AGBL1: variants seen among roughly 807,000 people sequenced by gnomAD.
AGBL1 encodes AGBL carboxypeptidase 1, also known as cytosolic carboxypeptidase 4.
AGBL1 carries 130 observed loss-of-function variants against 118.9 expected under a neutral mutation model. The ratio of observed to expected loss-of-function variants is 1.09; its 90% confidence interval spans 0.95 to 1.26. The LOEUF (loss-of-function observed/expected upper bound fraction) is 1.26. Ranked by LOEUF, AGBL1 falls within the 50% of genes most tolerant of loss-of-function variation. The pLI, the probability that AGBL1 is intolerant of heterozygous loss-of-function variation, is 0.00. For missense variants in AGBL1, 1,584 were observed against 1,298.1 expected (o/e 1.22, Z -3.38); for synonymous variants, 555 against 478.9 (o/e 1.16, Z -2.08).
At chr15:86,259,828 T>G (rs2078954239) in intron 9 of AGBL1, among the ~76,000 whole-genome samples, 1 of 152,242 alleles carries the variant, frequency 6.6e-6, no homozygotes, top group Admixed American at 6.5e-5. Flanking sequence ...GAATGTCTGA[T>G]GCAGAGTGTC....
chr15:86,111,650 G>C (rs1385440287), intron 1 of AGBL1, among the ~76,000 whole-genome samples: 2 of 152,182 alleles, frequency 1.3e-5, no homozygotes, highest in African/African-American at 4.8e-5. Flanking sequence ...TTTCCTGGGA[G>C]AACAAGTTGG....
At chr15:86,819,263 ATAG>A (rs2078906691) in intron 22 of AGBL1, among the ~76,000 whole-genome samples, 1 of 152,070 alleles carries the variant, frequency 6.6e-6, no homozygotes, top group Admixed American at 6.6e-5. Context: ...AGTAGTACTA[ATAG>A]TAGGAGCAGT....
chr15:86,991,302 T>G (rs1458150990), intron 24 of AGBL1, among the ~76,000 whole-genome samples: 1 of 152,064 alleles, frequency 6.6e-6, no homozygotes, highest in Non-Finnish European at 1.5e-5. Flanking sequence ...CCAACTTATT[T>G]TTTTCTTGCA....
intron 17 of AGBL1, among the ~76,000 whole-genome samples, chr15:86,331,845 C>G (rs962314204): frequency 2.0e-5 from 3 of 152,332 alleles, no homozygotes; most frequent in South Asian, 4.1e-4. Context: ...CAGAAACACA[C>G]TTAAGCACAT....
At chr15:86,876,901 G>T (rs1411609523) in intron 22 of AGBL1, among the ~76,000 whole-genome samples, 1 of 152,126 alleles carries the variant, frequency 6.6e-6, no homozygotes, top group Non-Finnish European at 1.5e-5. Context: ...AGGTTTGAAT[G>T]AATGGATGCA....
At chr15:86,971,113 C>A (rs558268212) in intron 23 of AGBL1, among the ~76,000 whole-genome samples, 9 of 152,080 alleles carry the variant, frequency 5.9e-5, no homozygotes, top group African/African-American at 1.9e-4. Flanking sequence ...AGGGACAACT[C>A]GAATTCAGGA....
At chr15:87,002,037 G>C (rs7176979) in intron 24 of AGBL1, among the ~76,000 whole-genome samples, 1 of 151,746 alleles carries the variant, frequency 6.6e-6, no homozygotes, top group South Asian at 2.1e-4. Context: ...GGTGTTTTAG[G>C]CATGAAGTCC....
intron 18 of AGBL1, among the ~76,000 whole-genome samples, chr15:86,499,415 C>T (rs532819853): frequency 1.2e-4 from 18 of 151,764 alleles, no homozygotes; most frequent in South Asian, 2.1e-4. Context: ...CAATTTCGAA[C>T]GAAGTGTAAT....
intron 1 of AGBL1, among the ~76,000 whole-genome samples, chr15:86,099,173 C>T (rs934830470): frequency 2.6e-5 from 4 of 151,650 alleles, no homozygotes; most frequent in African/African-American, 4.9e-5. Context: ...CCTGAAAGAA[C>T]GAGAAAAGCA....
chr15:86,190,101 G>T (rs941183879), intron 5 of AGBL1, among the ~76,000 whole-genome samples: 1 of 152,110 alleles, frequency 6.6e-6, no homozygotes, highest in South Asian at 2.1e-4. Context: ...GTTTTTCATT[G>T]CATAGTGGTA....
intron 21 of AGBL1, chr15:86,630,119 T>C (rs1369234648): frequency 1.3e-5 from 2 of 152,266 alleles, no homozygotes; most frequent in African/African-American, 2.4e-5. Context: ...GTGGTCAGGA[T>C]GCAAGTCATA....
At chr15:86,751,039 G>T (rs2077843857) in intron 22 of AGBL1, among the ~76,000 whole-genome samples, 2 of 151,976 alleles carry the variant, frequency 1.3e-5, no homozygotes, top group East Asian at 1.9e-4. Flanking sequence ...ACAGTCTATT[G>T]TCAGTAGGAA....
chr15:86,308,272 G>A (rs184230840), intron 17 of AGBL1, among the ~76,000 whole-genome samples: 1 of 152,152 alleles, frequency 6.6e-6, no homozygotes, highest in African/African-American at 2.4e-5. Context: ...TGTATTTGAA[G>A]TAAGGAAGTA....
At chr15:86,745,426 G>A (rs2077741662) in intron 22 of AGBL1, among the ~76,000 whole-genome samples, 1 of 151,952 alleles carries the variant, frequency 6.6e-6, no homozygotes, top group African/African-American at 2.4e-5. Flanking sequence ...TTTTAAACAT[G>A]CATCTATGCC....
At chr15:86,898,742 C>T (rs568717931) in intron 22 of AGBL1, among the ~76,000 whole-genome samples, 1 of 152,038 alleles carries the variant, frequency 6.6e-6, no homozygotes, top group Non-Finnish European at 1.5e-5. Context: ...TGAACAGATA[C>T]TTTTCAAAAG....
intron 22 of AGBL1, among the ~76,000 whole-genome samples, chr15:86,904,041 G>A (rs914598420): frequency 1.1e-4 from 17 of 150,494 alleles, no homozygotes; most frequent in African/African-American, 3.7e-4. Context: ...TGGTGGGGAT[G>A]GGGGTGGGAC....
At chr15:86,721,229 A>T (rs2086714898) in intron 22 of AGBL1, among the ~76,000 whole-genome samples, 2 of 152,336 alleles carry the variant, frequency 1.3e-5, no homozygotes, top group South Asian at 4.1e-4. Context: ...TTCCTGATGA[A>T]CATCGATGCA....
At chr15:86,786,495 TAGAC>T (rs955493731) in intron 22 of AGBL1, among the ~76,000 whole-genome samples, 1 of 152,164 alleles carries the variant, frequency 6.6e-6, no homozygotes, top group Non-Finnish European at 1.5e-5. Context: ...AAAAATATAA[TAGAC>T]ACATACATAC....
chr15:86,713,787 T>G (rs1224256021), intron 22 of AGBL1, among the ~76,000 whole-genome samples: 2 of 142,260 alleles, frequency 1.4e-5, no homozygotes, highest in Non-Finnish European at 3.0e-5. Flanking sequence ...AGAGAGTGTA[T>G]TTTTTTTTTC....
Sources: allele counts gnomAD v4.1 joint callset (sites outside exome capture counted in the v4.1 genomes callset), GRCh38; gene constraint gnomAD v4.1.1; transcripts MANE v1.5; gene names NCBI Gene and HGNC (gene_info 2026-07-23, HGNC 2026-07-21).